Variants in KCNMA1 observed in about 807,000 individuals in gnomAD.
KCNMA1 encodes potassium calcium-activated channel subfamily M alpha 1.
In KCNMA1, 29 loss-of-function variants were observed where a neutral mutation model predicts 140.0. The observed-to-expected ratio is 0.21, with a 90% confidence interval of 0.15 to 0.28. The LOEUF (loss-of-function observed/expected upper bound fraction) is 0.28. Among genes scored for constraint, KCNMA1 ranks in the 10% least tolerant of loss-of-function variants. The probability of loss-of-function intolerance (pLI) is 1.00; values close to 1 mark genes in which losing one functional copy is unlikely to be tolerated. For missense variants in KCNMA1, 880 were observed against 1,602.2 expected, an observed-to-expected ratio of 0.55 and a Z score of 7.70; for synonymous variants, 612 against 611.9, an observed-to-expected ratio of 1.00 and a Z score of 0.00.
At chr10:77,531,280 T>C (rs2057547107) in intron 1 of KCNMA1, among the ~76,000 whole-genome samples, 1 of 152,220 alleles carries the variant, frequency 6.6e-6, no homozygotes, top group Non-Finnish European at 1.5e-5. Flanking sequence ...TCACCTATTC[T>C]ACTTAATCCT....
At chr10:77,229,660 T>C (rs2052870754) in intron 3 of KCNMA1, among the ~76,000 whole-genome samples, 1 of 152,200 alleles carries the variant, frequency 6.6e-6, no homozygotes, top group Non-Finnish European at 1.5e-5. Context: ...AAGCCTGTGC[T>C]CTTCCCACAT....
intron 1 of KCNMA1, among the ~76,000 whole-genome samples, chr10:77,437,537 A>T (rs1322277261): frequency 6.6e-6 from 1 of 152,218 alleles, no homozygotes; most frequent in Non-Finnish European, 1.5e-5. Flanking sequence ...ATTCATGGAT[A>T]GAAAATTCAG....
At chr10:76,978,883 T>A (rs1006879656) in intron 19 of KCNMA1, among the ~76,000 whole-genome samples, 2 of 152,220 alleles carry the variant, frequency 1.3e-5, no homozygotes, top group Non-Finnish European at 1.5e-5. Context: ...ATTTATACTG[T>A]CTTCACTTAA....
chr10:77,122,597 G>A (rs980494660), intron 5 of KCNMA1, among the ~76,000 whole-genome samples: 19 of 152,026 alleles, frequency 1.2e-4, no homozygotes, highest in African/African-American at 4.3e-4. Context: ...AAACACAGTA[G>A]AAATCACAGA....
downstream of KCNMA1, among the ~76,000 whole-genome samples, chr10:76,880,939 A>T (rs1010628457): frequency 6.6e-6 from 1 of 152,220 alleles, no homozygotes; most frequent in Admixed American, 6.5e-5. Flanking sequence ...TTATTTCTTA[A>T]TAAGCTTCTT....
chr10:77,139,702 C>T, intron 5 of KCNMA1, among the ~76,000 whole-genome samples: 1 of 152,064 alleles, frequency 6.6e-6, no homozygotes, highest in Non-Finnish European at 1.5e-5. Context: ...TTGTTTTAAA[C>T]TGTAATATAT....
At chr10:77,363,285 G>T (rs949256786) in intron 2 of KCNMA1, among the ~76,000 whole-genome samples, 1 of 152,014 alleles carries the variant, frequency 6.6e-6, no homozygotes, top group Non-Finnish European at 1.5e-5. Context: ...CCACTCCTGG[G>T]GATTCTCAGA....
At chr10:77,034,994 C>A (rs548053356) in intron 15 of KCNMA1, among the ~76,000 whole-genome samples, 7 of 152,154 alleles carry the variant, frequency 4.6e-5, no homozygotes, top group Non-Finnish European at 7.4e-5. Context: ...CCTTGTCCAG[C>A]CCCTCCCCTC....
intron 29 of KCNMA1, among the ~76,000 whole-genome samples, chr10:76,879,799 A>AT (rs1396094444): frequency 2.0e-5 from 3 of 152,218 alleles, no homozygotes; most frequent in South Asian, 2.1e-4. Flanking sequence ...GTGGAAACCA[A>AT]TTTTTTGTGA....
chr10:76,946,258 G>A (rs925927713), intron 22 of KCNMA1, among the ~76,000 whole-genome samples: 3 of 152,124 alleles, frequency 2.0e-5, no homozygotes, highest in South Asian at 2.1e-4. Flanking sequence ...CAGTGGCCAC[G>A]CGGCATCATT....
intron 5 of KCNMA1, among the ~76,000 whole-genome samples, chr10:77,135,462 A>G (rs1194640232): frequency 1.3e-5 from 2 of 152,228 alleles, no homozygotes; most frequent in African/African-American, 4.8e-5. Context: ...CAAAAATAGA[A>G]CTACCATACA....
At chr10:77,130,419 G>A (rs1178070388) in intron 5 of KCNMA1, among the ~76,000 whole-genome samples, 1 of 152,124 alleles carries the variant, frequency 6.6e-6, no homozygotes, top group Non-Finnish European at 1.5e-5. Context: ...GGTATTAAAT[G>A]CATTCTCAAA....
intron 1 of KCNMA1, among the ~76,000 whole-genome samples, chr10:77,436,988 ACACACACAC>A (rs1163776401): frequency 2.6e-4 from 39 of 148,592 alleles, no homozygotes; most frequent in East Asian, 5.9e-4. Flanking sequence ...ACACACACAC[ACACACACAC>A]TCCTTCAGCC....
chr10:77,107,815 G>A lies in KCNMA1; in HGVS notation c.1223+666C>T, dbSNP rs145161544. ...AGATCGGTGCCTCCTGGATGAAGAG[G>A]AGAACTGGGTTCCCAGTGGCCGCAG... On this transcript the variant is annotated intron_variant, in intron 9 of 27. Transcript: ENST00000286628. Among the ~76,000 whole-genome samples the A allele has an allele frequency of 7.8e-3, 1,182 of 152,290 alleles. 8 individuals are homozygous for A. Among genetic ancestry groups the A allele is most frequent in the Non-Finnish European group, 0.013 (865 of 68,020 alleles).
chr10:77,549,750 A>G (rs1384982272), intron 1 of KCNMA1, among the ~76,000 whole-genome samples: 5 of 152,238 alleles, frequency 3.3e-5, no homozygotes, highest in Non-Finnish European at 7.3e-5. Flanking sequence ...ATAGACAATT[A>G]GCGAAAGGTT....
At chr10:77,243,275 T>C (rs992463172) in intron 3 of KCNMA1, among the ~76,000 whole-genome samples, 1 of 152,240 alleles carries the variant, frequency 6.6e-6, no homozygotes, top group African/African-American at 2.4e-5. Context: ...TGTTCTGAGC[T>C]ATAACATTTC....
At chr10:77,609,883 C>A (rs1263989726) in intron 1 of KCNMA1, among the ~76,000 whole-genome samples, 1 of 152,188 alleles carries the variant, frequency 6.6e-6, no homozygotes, top group African/African-American at 2.4e-5. Context: ...CTCCCCACAG[C>A]CTGTCAGCAG....
intron 1 of KCNMA1, among the ~76,000 whole-genome samples, chr10:77,576,892 T>C (rs533685302): frequency 3.0e-4 from 46 of 152,194 alleles, no homozygotes; most frequent in Non-Finnish European, 6.2e-4. Flanking sequence ...CTGTTTCCCA[T>C]GCACCATGTG....
chr10:77,356,772 A>G (rs1315089848), intron 2 of KCNMA1, among the ~76,000 whole-genome samples: 6 of 152,130 alleles, frequency 3.9e-5, no homozygotes, highest in East Asian at 1.9e-4. Context: ...TGTTTTAAGA[A>G]TGCGCCCACC....
Sources: gnomAD v4.1 joint callset for allele counts (sites outside exome capture counted in the v4.1 genomes callset) on GRCh38, gnomAD v4.1.1 for gene constraint, MANE v1.5 for transcripts, NCBI Gene and HGNC (gene_info 2026-07-23, HGNC 2026-07-21) for gene names.